Variants in GRIK2 observed in about 807,000 individuals in gnomAD.
GRIK2 encodes glutamate ionotropic receptor kainate type subunit 2, also known as glutamate receptor ionotropic, kainate 2.
A neutral mutation model predicts 100.3 loss-of-function variants in GRIK2; 32 were observed. The observed-to-expected ratio is 0.32, with a 90% CI of 0.24 to 0.43. The LOEUF is 0.43. Ranked by LOEUF, GRIK2 falls within the 20% of genes least tolerant of loss-of-function variation. GRIK2 has a pLI of 1.00. For missense variants in GRIK2, 843 were observed against 1,114.9 expected, an observed-to-expected ratio of 0.76 and a Z score of 3.47; for synonymous variants, 417 against 389.4, an observed-to-expected ratio of 1.07 and a Z score of -0.83.
In GRIK2 at chr6:101,423,363, A is replaced by G. The variant is rs991129995; in HGVS notation, c.115+23971A>G. Among the ~76,000 whole-genome samples, 9 of 152,308 alleles carry G rather than the reference A, an allele frequency of 5.9e-5. No individual in the cohort carries two copies. In the East Asian group the frequency reaches 1.7e-3, roughly 29 times the overall value. ...AAAGCTCTATTTTTAAAATTTGGAT[A>G]GACTTCCCTCGTGTTTTCCATAGCA... On this transcript the variant is annotated intron_variant, in intron 2 of 16. Coordinates refer to ENST00000369134, the MANE Select transcript of GRIK2 (RefSeq NM_021956.5).
At chr6:101,997,310 G>A (rs1794702284) in intron 14 of GRIK2, among the ~76,000 whole-genome samples, 1 of 151,932 alleles carries the variant, frequency 6.6e-6, no homozygotes, top group Admixed American at 6.6e-5. Flanking sequence ...TGAGACCCAT[G>A]CCCCCACTAT....
intron 4 of GRIK2, among the ~76,000 whole-genome samples, chr6:101,663,289 AGCAG>A (rs2128334879): frequency 6.6e-6 from 1 of 152,278 alleles, no homozygotes; most frequent in African/African-American, 2.4e-5. Context: ...ATTAAAGAAC[AGCAG>A]GCTACCTAAT....
At chr6:101,782,318 T>G (rs1334144104) in intron 7 of GRIK2, among the ~76,000 whole-genome samples, 1 of 152,220 alleles carries the variant, frequency 6.6e-6, no homozygotes, top group African/African-American at 2.4e-5. Flanking sequence ...ACTGTAAGTT[T>G]GTAAACATTA....
intron 14 of GRIK2, among the ~76,000 whole-genome samples, chr6:101,985,561 G>C (rs892887496): frequency 1.3e-5 from 2 of 151,726 alleles, no homozygotes; most frequent in Non-Finnish European, 1.5e-5. Flanking sequence ...GCTTTGCTTA[G>C]TGAAGCACAG....
chr6:101,865,519 C>A (rs1172585921), intron 11 of GRIK2, among the ~76,000 whole-genome samples: 1 of 152,124 alleles, frequency 6.6e-6, no homozygotes. Flanking sequence ...ACTTGCACAG[C>A]CATAGCTTTA....
At chr6:101,451,999 G>C (rs1234618631) in intron 2 of GRIK2, among the ~76,000 whole-genome samples, 1 of 151,560 alleles carries the variant, frequency 6.6e-6, no homozygotes, top group African/African-American at 2.4e-5. Flanking sequence ...TTTCATTATG[G>C]CTTTAAATAT....
intron 10 of GRIK2, among the ~76,000 whole-genome samples, chr6:101,841,836 G>A (rs1783524013): frequency 7.0e-6 from 1 of 143,102 alleles, no homozygotes. Flanking sequence ...ATTAGCAGAA[G>A]AGCAGACCAT....
At chr6:101,555,863 TG>T (rs1349299905) in intron 2 of GRIK2, among the ~76,000 whole-genome samples, 2 of 152,132 alleles carry the variant, frequency 1.3e-5, no homozygotes, top group African/African-American at 2.4e-5. Flanking sequence ...TGTCTTATGA[TG>T]GGGTAATAAA....
At chr6:101,478,593 A>G (rs1269617735) in intron 2 of GRIK2, among the ~76,000 whole-genome samples, 2 of 150,264 alleles carry the variant, frequency 1.3e-5, no homozygotes, top group Non-Finnish European at 3.0e-5. Context: ...AGCTCACTGC[A>G]ACCTCTGCCT....
At chr6:101,506,942 T>C (rs1774053311) in intron 2 of GRIK2, among the ~76,000 whole-genome samples, 1 of 152,130 alleles carries the variant, frequency 6.6e-6, no homozygotes, top group Admixed American at 6.6e-5. Flanking sequence ...AATGTTCACT[T>C]GCGTTATTCA....
intron 7 of GRIK2, among the ~76,000 whole-genome samples, chr6:101,722,498 T>TACGGTAAATAGATCTGATA (rs1774555656): frequency 6.6e-6 from 1 of 152,070 alleles, no homozygotes; most frequent in Non-Finnish European, 1.5e-5. Flanking sequence ...TTTGTATAAA[T>TACGGTAAATAGATCTGATA]ACGGTAAATA....
chr6:101,480,407 T>C (rs1425386714), intron 2 of GRIK2, among the ~76,000 whole-genome samples: 3 of 152,078 alleles, frequency 2.0e-5, no homozygotes, highest in Non-Finnish European at 4.4e-5. Flanking sequence ...TTGGCTTCTC[T>C]CCCTTTTTCC....
intron 7 of GRIK2, among the ~76,000 whole-genome samples, chr6:101,776,000 A>G (rs976548378): frequency 1.3e-5 from 2 of 152,176 alleles, no homozygotes; most frequent in African/African-American, 4.8e-5. Context: ...GTTCAAAAAC[A>G]TAAGTCATAA....
chr6:101,657,548 G>A (rs1302664503), intron 4 of GRIK2, among the ~76,000 whole-genome samples: 1 of 152,030 alleles, frequency 6.6e-6, no homozygotes, highest in Non-Finnish European at 1.5e-5. Context: ...ATTATGATAT[G>A]GTTTCTTGTA....
intron 12 of GRIK2, among the ~76,000 whole-genome samples, chr6:101,916,238 A>C (rs1789095436): frequency 6.6e-6 from 1 of 151,614 alleles, no homozygotes; most frequent in African/African-American, 2.4e-5. Context: ...TTTATTCCAT[A>C]ATATTTTTAA....
intron 4 of GRIK2, among the ~76,000 whole-genome samples, chr6:101,643,976 A>G (rs1401449026): frequency 6.6e-6 from 1 of 151,788 alleles, no homozygotes; most frequent in East Asian, 1.9e-4. Flanking sequence ...GTTAGGGTCC[A>G]TCACATTCTT....
chr6:101,525,986 T>C (rs1775133404), intron 2 of GRIK2, among the ~76,000 whole-genome samples: 1 of 152,142 alleles, frequency 6.6e-6, no homozygotes, highest in African/African-American at 2.4e-5. Flanking sequence ...GAGTAAAGTA[T>C]AGCAACATAT....
At chr6:101,686,870 A>G (rs1384632697) in intron 7 of GRIK2, among the ~76,000 whole-genome samples, 1 of 152,124 alleles carries the variant, frequency 6.6e-6, no homozygotes, top group Non-Finnish European at 1.5e-5. Flanking sequence ...CAGAAGCGGC[A>G]CTATTGCATA....
chr6:101,931,595 C>A (rs1399614676), intron 14 of GRIK2, among the ~76,000 whole-genome samples: 1 of 152,054 alleles, frequency 6.6e-6, no homozygotes, highest in Admixed American at 6.6e-5. Flanking sequence ...TTTCCAAAGA[C>A]CATGATTGAT....
Sources: gnomAD v4.1 joint callset for allele counts (sites outside exome capture counted in the v4.1 genomes callset) on GRCh38, gnomAD v4.1.1 for gene constraint, MANE v1.5 for transcripts, NCBI Gene and HGNC (gene_info 2026-07-23, HGNC 2026-07-21) for gene names.